Variants in SLC41A2 observed in about 807,000 individuals in gnomAD.
SLC41A2 encodes solute carrier family 41 member 2.
Under a neutral mutation model 58.3 loss-of-function variants are expected in SLC41A2, and 32 were observed. The observed-to-expected ratio is 0.55, with a 90% CI of 0.41 to 0.74. The LOEUF (loss-of-function observed/expected upper bound fraction) is 0.74, where lower values mean the gene tolerates loss of function less well. SLC41A2 is among the 30% of genes least tolerant of loss of function. The probability of loss-of-function intolerance (pLI) is 0.00; values close to 1 mark genes in which losing one functional copy is unlikely to be tolerated. For missense variants in SLC41A2, 514 were observed against 680.6 expected (o/e 0.76, Z 2.72); for synonymous variants, 190 against 235.0 (o/e 0.81, Z 1.75).
chr12:104,842,548 C>T (rs1455371569), intron 10 of SLC41A2, among the ~76,000 whole-genome samples: 2 of 152,098 alleles, frequency 1.3e-5, no homozygotes, highest in African/African-American at 2.4e-5. Flanking sequence ...ATAGCATCTG[C>T]TATAAACACA....
chr12:104,856,046 T>C (rs2043009409), intron 8 of SLC41A2, among the ~76,000 whole-genome samples: 1 of 152,206 alleles, frequency 6.6e-6, no homozygotes, highest in Admixed American at 6.5e-5. Context: ...CAAAATCAAT[T>C]GATGAGTTCT....
intron 1 of SLC41A2, among the ~76,000 whole-genome samples, chr12:104,940,639 C>T (rs1435395439): frequency 6.6e-6 from 1 of 150,474 alleles, no homozygotes; most frequent in African/African-American, 2.4e-5. Flanking sequence ...AGCTCCTGGC[C>T]GGGCATGGTA....
At chr12:104,924,576 C>G (rs1436331259) in intron 2 of SLC41A2, among the ~76,000 whole-genome samples, 3 of 152,050 alleles carry the variant, frequency 2.0e-5, no homozygotes, top group Non-Finnish European at 4.4e-5. Flanking sequence ...GAAACCCCAT[C>G]TCTATTAAAA....
At chr12:104,926,459 G>A (rs1400914149) in intron 2 of SLC41A2, among the ~76,000 whole-genome samples, 2 of 151,938 alleles carry the variant, frequency 1.3e-5, no homozygotes, top group Non-Finnish European at 2.9e-5. Flanking sequence ...ATGGTAGCGT[G>A]AGCCTGTGGT....
intron 8 of SLC41A2, among the ~76,000 whole-genome samples, chr12:104,853,790 TTG>T: frequency 6.6e-6 from 1 of 151,974 alleles, no homozygotes; most frequent in South Asian, 2.1e-4. Context: ...GTTGCCTAGG[TTG>T]GAATGCAGTG....
intron 3 of SLC41A2, among the ~76,000 whole-genome samples, chr12:104,905,714 T>C (rs1241339611): frequency 2.0e-5 from 3 of 152,106 alleles, no homozygotes; most frequent in East Asian, 1.9e-4. Context: ...TGGGCCAGCA[T>C]TGCTGGGGGA....
chr12:104,845,713 G>T, intron 9 of SLC41A2, 130 bp downstream of exon 9: 1 of 809,826 alleles, frequency 1.2e-6, no homozygotes, highest in Non-Finnish European at 1.8e-6. Flanking sequence ...TCATTCACTG[G>T]GATTAGCTCT....
At position 104,875,129 on chromosome 12, in the gene SLC41A2, C is replaced by G. The variant is rs12297659; in HGVS notation, c.1028-8550G>C. On this transcript the variant is annotated intron_variant, in intron 6 of 10. Transcript: ENST00000258538. ...CACTGATTGATCTGTGTATGTTAAA[C>G]CATACTTGCATCCCTGGGATGAATC... is the stretch of plus-strand genomic sequence containing the variant. Among the ~76,000 whole-genome samples, 150 of 152,228 alleles carry G rather than the reference C, an allele frequency of 9.9e-4. 1 individual carries two copies. Among genetic ancestry groups the G allele is most frequent in the Non-Finnish European group, 2.4e-4 (16 of 68,026 alleles).
At chr12:104,806,112 G>A (rs184144000) in intron 10 of SLC41A2, among the ~76,000 whole-genome samples, 253 of 152,020 alleles carry the variant, frequency 1.7e-3, no homozygotes, top group Non-Finnish European at 2.0e-3. Flanking sequence ...TGTGCACAAC[G>A]TGCAGGTTTG....
intron 10 of SLC41A2, among the ~76,000 whole-genome samples, chr12:104,807,268 T>C (rs893569944): frequency 2.0e-5 from 3 of 152,366 alleles, no homozygotes; most frequent in African/African-American, 7.2e-5. Flanking sequence ...GGATCCAGTT[T>C]CAGCCTTCTA....
chr12:104,898,693 G>A (rs1335635068), intron 3 of SLC41A2, among the ~76,000 whole-genome samples: 2 of 151,856 alleles, frequency 1.3e-5, no homozygotes, highest in Non-Finnish European at 2.9e-5. Flanking sequence ...TGTAGTGCCA[G>A]TATAATCATT....
chr12:104,923,361 CAA>C lies in SLC41A2; in HGVS notation c.555+4610_555+4611del, dbSNP rs60629926. Among the ~76,000 whole-genome samples, 637 of 87,404 alleles carry C rather than the reference CAA, an allele frequency of 7.3e-3. 5 individuals carry two copies. The highest frequency in any genetic ancestry group is 0.021 in the African/African-American group (544 of 25,952). The allele number at this position is 87,404 out of a possible 152,430, so 57.3% of individuals were successfully genotyped here. On this transcript the variant is annotated intron_variant, in intron 2 of 10. Transcript: ENST00000258538. ...TGGGCAACAGAGTGAGACTCCATCT[CAA>C]AAAAAAAAAAAAAAATAGAAAGACT...
chr12:104,915,925 T>C (rs2046299507), intron 2 of SLC41A2, among the ~76,000 whole-genome samples: 1 of 152,220 alleles, frequency 6.6e-6, no homozygotes, highest in South Asian at 2.1e-4. Context: ...ATAGCTCTTA[T>C]TATTTTGAGA....
rs189698820 is a variant in SLC41A2, at chr12:104,823,430, A to G, written c.1537-18093T>C. Reference sequence around the variant, plus strand: ...ACAACAGTTGCTTAAGAATAGACATATAAATCAGTGGAACAGAAGAAAGTC... The same window carrying G: ...ACAACAGTTGCTTAAGAATAGACATGTAAATCAGTGGAACAGAAGAAAGTC... On this transcript the variant is annotated intron_variant, in intron 10 of 10. Coordinates refer to ENST00000258538, the MANE Select transcript of SLC41A2 (RefSeq NM_001352171.3). 4.7e-3 allele frequency among the ~76,000 whole-genome samples: 723 copies of G among 152,308 alleles called. 8 individuals are homozygous for G. The highest frequency in any genetic ancestry group is 0.017 in the African/African-American group (696 of 41,570).
intron 6 of SLC41A2, among the ~76,000 whole-genome samples, chr12:104,867,685 G>A (rs1360556416): frequency 1.4e-5 from 2 of 146,972 alleles, no homozygotes; most frequent in African/African-American, 5.0e-5. Context: ...GCTAAACAAA[G>A]TTTACTCCTA....
At chr12:104,872,785 C>T (rs917525572) in intron 6 of SLC41A2, among the ~76,000 whole-genome samples, 2 of 152,040 alleles carry the variant, frequency 1.3e-5, no homozygotes, top group African/African-American at 4.8e-5. Flanking sequence ...ATGCAGAGAG[C>T]CTTAGTACAT....
intron 3 of SLC41A2, among the ~76,000 whole-genome samples, chr12:104,908,094 G>A (rs1349105781): frequency 2.0e-5 from 3 of 151,914 alleles, no homozygotes; most frequent in African/African-American, 7.3e-5. Flanking sequence ...GTGAAACCCC[G>A]TCTCTACTAA....
chr12:104,853,342 G>T (rs546187182), intron 8 of SLC41A2, among the ~76,000 whole-genome samples: 1 of 152,216 alleles, frequency 6.6e-6, no homozygotes, highest in East Asian at 1.9e-4. Context: ...AGCATAATAA[G>T]TCTGGCCCCT....
chr12:104,875,048 A>G (rs2043980707), intron 6 of SLC41A2, among the ~76,000 whole-genome samples: 1 of 151,886 alleles, frequency 6.6e-6, no homozygotes, highest in South Asian at 2.1e-4. Context: ...GAGATATTTC[A>G]CCTCCTTTGT....
Sources: allele counts gnomAD v4.1 joint callset (sites outside exome capture counted in the v4.1 genomes callset), GRCh38; gene constraint gnomAD v4.1.1; transcripts MANE v1.5; gene names NCBI Gene and HGNC (gene_info 2026-07-23, HGNC 2026-07-21).